ADCY9: variants seen among roughly 807,000 people sequenced by gnomAD.
The protein encoded by ADCY9 is adenylate cyclase type 9.
ADCY9 carries 50 observed loss-of-function variants against 101.5 expected under a neutral mutation model. That is an observed-to-expected ratio of 0.49 (90% CI 0.39 to 0.62). The LOEUF (loss-of-function observed/expected upper bound fraction) is 0.62, where lower values mean the gene tolerates loss of function less well. Among genes scored for constraint, ADCY9 ranks in the 20% least tolerant of loss-of-function variants. The pLI is 0.00. For synonymous variants in ADCY9, 905 were observed against 769.3 expected, an observed-to-expected ratio of 1.18 and a Z score of -2.92; for missense variants, 1,662 against 1,800.4, an observed-to-expected ratio of 0.92 and a Z score of 1.39.
At chr16:4,096,800 TAG>T (rs1389468156) in intron 2 of ADCY9, among the ~76,000 whole-genome samples, 2 of 152,122 alleles carry the variant, frequency 1.3e-5, no homozygotes, top group African/African-American at 4.8e-5. Flanking sequence ...TTCTCCAGGC[TAG>T]AGTGTTAGAA....
intron 3 of ADCY9, among the ~76,000 whole-genome samples, chr16:4,001,938 G>A (rs2056334050): frequency 6.6e-6 from 1 of 151,986 alleles, no homozygotes; most frequent in South Asian, 2.1e-4. Context: ...TAGTAGACAT[G>A]GGGTTTCACC....
intron 6 of ADCY9, 88 bp from the exon 7 acceptor site, chr16:3,983,528 G>A (rs565841955): frequency 2.0e-5 from 22 of 1,125,014 alleles, no homozygotes; most frequent in South Asian, 5.6e-5. Context: ...CAACACGTGC[G>A]GAGCACTGCT....
At chr16:4,063,488 C>T (rs531821227) in intron 2 of ADCY9, among the ~76,000 whole-genome samples, 3 of 152,064 alleles carry the variant, frequency 2.0e-5, no homozygotes, top group South Asian at 2.1e-4. Context: ...CTGGGACGAT[C>T]GCTCAAGCCC....
chr16:3,986,515 C>T (rs543410254), intron 6 of ADCY9, among the ~76,000 whole-genome samples: 16 of 152,250 alleles, frequency 1.1e-4, no homozygotes, highest in Admixed American at 2.6e-4. Flanking sequence ...AATAGTGCAA[C>T]GGCATGGTCT....
chr16:3,999,726 C>T (rs943579013), intron 3 of ADCY9, among the ~76,000 whole-genome samples: 3 of 152,196 alleles, frequency 2.0e-5, no homozygotes, highest in South Asian at 2.1e-4. Flanking sequence ...TGCATTTTTC[C>T]GGATTATCTT....
intron 2 of ADCY9, among the ~76,000 whole-genome samples, chr16:4,054,892 A>C (rs773850482): frequency 2.6e-5 from 4 of 152,220 alleles, no homozygotes; most frequent in Non-Finnish European, 5.9e-5. Context: ...AAAATCATCA[A>C]GTTATACAAA....
intron 6 of ADCY9, among the ~76,000 whole-genome samples, chr16:3,985,298 C>A (rs1281509965): frequency 6.6e-6 from 1 of 152,116 alleles, no homozygotes; most frequent in Non-Finnish European, 1.5e-5. Flanking sequence ...CGCCACCACG[C>A]CCAGCTAATT....
At chr16:4,102,351 C>A (rs1376365483) in intron 2 of ADCY9, among the ~76,000 whole-genome samples, 1 of 152,098 alleles carries the variant, frequency 6.6e-6, no homozygotes, top group Non-Finnish European at 1.5e-5. Context: ...AAATCAAAAT[C>A]CAAGCACCCA....
chr16:4,094,214 G>A (rs752180884), intron 2 of ADCY9, among the ~76,000 whole-genome samples: 1 of 151,398 alleles, frequency 6.6e-6, no homozygotes, highest in Non-Finnish European at 1.5e-5. Flanking sequence ...ACCTCCTGCA[G>A]TTCCTGGCAC....
intron 2 of ADCY9, among the ~76,000 whole-genome samples, chr16:4,022,671 G>C (rs1282529782): frequency 6.6e-6 from 1 of 151,988 alleles, no homozygotes; most frequent in Non-Finnish European, 1.5e-5. Flanking sequence ...GCTCATGCTT[G>C]TAATCCCCGC....
Position 4,114,247 on chromosome 16 carries a change from T to A in ADCY9, c.1196A>T (p.Asp399Val). ...ACTCATCTTGGTGAAGCCCACGATA[T>A]CTGCAAATAAAATACTGACTTCTTC... is the stretch of plus-strand genomic sequence containing the variant. ...QIEEVSILFA[D>V]IVGFTKMSAN... The change falls in exon 2 of 11, where the codon GAT becomes GTT. Residue 399 changes from aspartate (D) to valine (V), a missense_variant. Asp to Val is a radical substitution (Grantham distance 152). Coordinates refer to ENST00000294016, the MANE Select transcript of ADCY9 (RefSeq NM_001116.4). The surrounding 1 kb of genome is among the most constrained non-coding windows in gnomAD (Gnocchi z 4.3). The A allele has an allele frequency of 6.2e-7, 1 of 1,613,926 alleles. No homozygotes were observed. The highest frequency in any genetic ancestry group is 8.5e-7 in the Non-Finnish European group (1 of 1,180,028).
In ADCY9 at chr16:4,115,929, G is replaced by C. The variant is rs1158180123; in HGVS notation, c.-283C>G. ...GCGGCGCGGAGCCCTCCATCCTGCAGGAGCCGCGCTCCGATGCGTCAAAGG... is the reference window on the plus strand; with the variant it reads ...GCGGCGCGGAGCCCTCCATCCTGCACGAGCCGCGCTCCGATGCGTCAAAGG... On this transcript the variant is annotated 5_prime_UTR_variant, in exon 1 of 11. Transcript: ENST00000294016. This position sits in a 1 kb window ranked among gnomAD's most constrained non-coding sequence, Gnocchi z 6.2. 5.2e-6 allele frequency: 2 copies of C among 386,410 alleles called. No homozygotes were observed. Among genetic ancestry groups the C allele is most frequent in the African/African-American group, 4.2e-5 (2 of 47,826 alleles). The allele number at this position is 386,410 out of a possible 1,614,324, so 23.9% of individuals were successfully genotyped here.
At chr16:4,007,334 T>G in intron 3 of ADCY9, 34 bp downstream of exon 3, 1 of 1,495,908 alleles carries the variant, frequency 6.7e-7, no homozygotes, top group South Asian at 1.4e-5. Context: ...ATAGAAAGTT[T>G]TAGAAGTAGG....
intron 2 of ADCY9, among the ~76,000 whole-genome samples, chr16:4,074,055 G>C (rs1188370025): frequency 1.3e-5 from 2 of 151,992 alleles, no homozygotes; most frequent in African/African-American, 2.4e-5. Context: ...CTACCATATT[G>C]TATAGTCTAG....
intron 2 of ADCY9, among the ~76,000 whole-genome samples, chr16:4,097,982 G>C (rs1076376): frequency 0.26 from 39,702 of 151,964 alleles, 5,406 homozygotes; most frequent in East Asian, 0.51. Flanking sequence ...ATGCATTCCA[G>C]TGGCGTGGAA....
intron 2 of ADCY9, among the ~76,000 whole-genome samples, chr16:4,051,059 A>T (rs2056698010): frequency 6.6e-6 from 1 of 151,164 alleles, no homozygotes; most frequent in Non-Finnish European, 1.5e-5. Context: ...CTAAATATAC[A>T]AAAATTAGCT....
rs191201790 is a variant in ADCY9 at position 3,983,423 on chromosome 16, G to A, written c.2328C>T (p.Pro776=). The part of the protein sequence containing the change: ...SYQEEVIKNS[P]VKTFASPTFS... ...AGGTGGGACTAGCAAACGTCTTCACGGGGGAGTTCTTTATGACCTGTGTGG... is the reference window on the plus strand; with the variant it reads ...AGGTGGGACTAGCAAACGTCTTCACAGGGGAGTTCTTTATGACCTGTGTGG... Residue 776 remains proline (P), a synonymous_variant, in exon 7 of 11, where the codon CCC becomes CCT. Coordinates refer to ENST00000294016, the MANE Select transcript of ADCY9 (RefSeq NM_001116.4). 5.2e-4 allele frequency: 836 copies of A among 1,605,614 alleles called. 7 individuals are homozygous for A. The highest frequency in any genetic ancestry group is 6.8e-5 in the Admixed American group (4 of 58,780).
At chr16:3,985,558 C>T (rs1255814960) in intron 6 of ADCY9, among the ~76,000 whole-genome samples, 2 of 152,184 alleles carry the variant, frequency 1.3e-5, no homozygotes, top group Non-Finnish European at 2.9e-5. Context: ...GGGCCGGGTG[C>T]ATGCATGTGA....
At chr16:3,977,256 C>G (rs1473586773) in intron 9 of ADCY9, among the ~76,000 whole-genome samples, 1 of 152,232 alleles carries the variant, frequency 6.6e-6, no homozygotes, top group Non-Finnish European at 1.5e-5. Context: ...ATTCAACTAC[C>G]CAGAGTGCTG....
Sources: gnomAD v4.1 joint callset for allele counts (sites outside exome capture counted in the v4.1 genomes callset) on GRCh38, gnomAD v4.1.1 for gene constraint, Gnocchi (gnomAD v3.1) non-coding constraint, MANE v1.5 for transcripts, NCBI Gene and HGNC (gene_info 2026-07-23, HGNC 2026-07-21) for gene names.